The following ARK2N variants were observed in gnomAD, a reference collection of about 807,000 sequenced individuals.
ARK2N encodes the protein protein ARK2N.
At chr18:46,200,128 G>T in the ARK2N span, among the ~76,000 whole-genome samples, 52 of 152,060 alleles carry the variant, frequency 3.4e-4, no homozygotes, top group Non-Finnish European at 3.4e-4. Flanking sequence ...GTATTTTTAA[G>T]ACCTGGTGGT....
chr18:46,219,902 C>A, the ARK2N span, among the ~76,000 whole-genome samples: 1 of 152,134 alleles, frequency 6.6e-6, no homozygotes, highest in Non-Finnish European at 1.5e-5. Context: ...TCTATAAAAT[C>A]TGTAGTTGGA....
the ARK2N span, among the ~76,000 whole-genome samples, chr18:46,259,885 C>CTGTGTGTGTGTGTGTGTGTG: frequency 0.021 from 1,739 of 81,636 alleles, 291 homozygotes; most frequent in African/African-American, 0.067. Flanking sequence ...ATCCTCCCGT[C>CTGTGTGTGTGTGTGTGTGTG]TGTGTGTGTG....
At chr18:46,208,316 T>G in the ARK2N span, among the ~76,000 whole-genome samples, 2 of 152,196 alleles carry the variant, frequency 1.3e-5, no homozygotes, top group Admixed American at 1.3e-4. Flanking sequence ...ACACAGGTTC[T>G]TATAATGTTT....
the ARK2N span, among the ~76,000 whole-genome samples, chr18:46,205,675 C>CA: frequency 6.6e-6 from 1 of 152,150 alleles, no homozygotes; most frequent in South Asian, 2.1e-4. Context: ...CCAATGATGT[C>CA]AAAATCTGTA....
chr18:46,192,401 G>A, the ARK2N span, among the ~76,000 whole-genome samples: 5 of 151,894 alleles, frequency 3.3e-5, no homozygotes, highest in Middle Eastern at 3.4e-3. Flanking sequence ...GTGAAACCCC[G>A]TCTTTACTAA....
the ARK2N span, among the ~76,000 whole-genome samples, chr18:46,206,886 C>T: frequency 6.6e-6 from 1 of 152,160 alleles, no homozygotes; most frequent in African/African-American, 2.4e-5. Flanking sequence ...AAGCCATCTT[C>T]CCACCTCAGC....
At chr18:46,182,619 T>C in the ARK2N span, among the ~76,000 whole-genome samples, 1 of 151,868 alleles carries the variant, frequency 6.6e-6, no homozygotes, top group Non-Finnish European at 1.5e-5. Flanking sequence ...ACCTCTGTTT[T>C]AAATTATTCT....
the ARK2N span, chr18:46,217,344 A>G: frequency 5.9e-5 from 9 of 152,330 alleles, no homozygotes; most frequent in Admixed American, 4.6e-4. Context: ...GAGATTTCAT[A>G]GTGGAAGAAA....
At chr18:46,191,393 C>G in the ARK2N span, among the ~76,000 whole-genome samples, 2 of 150,410 alleles carry the variant, frequency 1.3e-5, no homozygotes, top group Non-Finnish European at 3.0e-5. Flanking sequence ...AAAACTTCAT[C>G]TTGTGTTGCC....
the ARK2N span, among the ~76,000 whole-genome samples, chr18:46,230,978 C>A: frequency 6.7e-4 from 102 of 152,288 alleles, no homozygotes; most frequent in African/African-American, 2.2e-3. Flanking sequence ...CATTAGATAT[C>A]TAATCATCTT....
chr18:46,196,057 A>G, the ARK2N span, among the ~76,000 whole-genome samples: 1 of 149,120 alleles, frequency 6.7e-6, no homozygotes. Flanking sequence ...CTCGGCTCAC[A>G]GCAACCTCTG....
At chr18:46,189,938 T>A in the ARK2N span, among the ~76,000 whole-genome samples, 1 of 152,074 alleles carries the variant, frequency 6.6e-6, no homozygotes, top group East Asian at 1.9e-4. Flanking sequence ...ATACAGACAT[T>A]CAGAACTTTT....
chr18:46,189,047 A>G, the ARK2N span, among the ~76,000 whole-genome samples: 1 of 152,068 alleles, frequency 6.6e-6, no homozygotes, highest in South Asian at 2.1e-4. Flanking sequence ...AAACCCCATC[A>G]CTATTAAAAA....
chr18:46,235,647 G>C, the ARK2N span, among the ~76,000 whole-genome samples: 4 of 152,182 alleles, frequency 2.6e-5, no homozygotes, highest in East Asian at 7.7e-4. Context: ...TTCCTATGCT[G>C]CTACCAGTCT....
the ARK2N span, among the ~76,000 whole-genome samples, chr18:46,214,015 A>G: frequency 3.9e-5 from 6 of 152,162 alleles, no homozygotes; most frequent in Non-Finnish European, 7.3e-5. Context: ...TTTTAAATTA[A>G]CAGATGTTTC....
chr18:46,248,616 T>C, the ARK2N span, among the ~76,000 whole-genome samples: 1 of 152,206 alleles, frequency 6.6e-6, no homozygotes, highest in East Asian at 1.9e-4. Flanking sequence ...GGAGTCTTGC[T>C]CTGTCACCAG....
the ARK2N span, among the ~76,000 whole-genome samples, chr18:46,204,774 G>A: frequency 6.6e-6 from 1 of 152,080 alleles, no homozygotes; most frequent in Admixed American, 6.6e-5. Context: ...TCAGTTTATG[G>A]TGTCAACTTG....
the ARK2N span, among the ~76,000 whole-genome samples, chr18:46,223,751 G>A: frequency 6.6e-6 from 1 of 152,068 alleles, no homozygotes; most frequent in Non-Finnish European, 1.5e-5. Flanking sequence ...ATTGGCTTTG[G>A]GGATACAACA....
the ARK2N span, among the ~76,000 whole-genome samples, chr18:46,226,893 T>C: frequency 1.3e-5 from 2 of 151,330 alleles, no homozygotes; most frequent in Non-Finnish European, 1.5e-5. Context: ...CTGCAACCTC[T>C]GCCTCCGGGG....
Sources: allele counts gnomAD v4.1 joint callset (sites outside exome capture counted in the v4.1 genomes callset), GRCh38; gene constraint gnomAD v4.1.1; transcripts MANE v1.5; gene names NCBI Gene and HGNC (gene_info 2026-07-23, HGNC 2026-07-21).